The following TOLLIP variants were observed in gnomAD, a reference collection of about 807,000 sequenced individuals.
TOLLIP encodes the protein toll-interacting protein.
In TOLLIP, 16 loss-of-function variants were observed where a neutral mutation model predicts 33.5. That is an observed-to-expected ratio of 0.48 (90% confidence interval 0.32 to 0.72). The LOEUF is 0.72. Among genes scored for constraint, TOLLIP ranks in the 30% least tolerant of loss-of-function variants. The pLI, the probability that TOLLIP is intolerant of heterozygous loss-of-function variation, is 0.03. For missense variants in TOLLIP, 325 were observed against 396.6 expected (o/e 0.82, Z 1.53); for synonymous variants, 176 against 163.7 (o/e 1.07, Z -0.57).
intron 3 of TOLLIP, among the ~76,000 whole-genome samples, chr11:1,289,588 G>A (rs5743960): frequency 0.022 from 3,279 of 152,290 alleles, 124 homozygotes; most frequent in African/African-American, 0.074. Flanking sequence ...GCTGGTGAGC[G>A]GCCGGACCCT....
chr11:1,287,973 G>GA (rs200928462), intron 4 of TOLLIP, among the ~76,000 whole-genome samples: 3,327 of 151,930 alleles, frequency 0.022, 46 homozygotes, highest in Non-Finnish European at 0.031. Context: ...GTAACAGCCT[G>GA]AAAATCCTCT....
intron 5 of TOLLIP, among the ~76,000 whole-genome samples, chr11:1,282,067 TA>T (rs1008434768): frequency 6.6e-6 from 1 of 152,236 alleles, no homozygotes; most frequent in Non-Finnish European, 1.5e-5. Context: ...ACTGCTAGGA[TA>T]ATTAAAAAAT....
rs1322115625 is a variant in TOLLIP at position 1,295,639 on chromosome 11, G to A, written c.183+6C>T. 1 of 1,543,128 alleles carries A rather than the reference G, an allele frequency of 6.5e-7. No individual in the cohort carries two copies. Among genetic ancestry groups the A allele is most frequent in the South Asian group, 1.2e-5 (1 of 84,196 alleles). On this transcript the variant is annotated splice_donor_region_variant and intron_variant, in intron 2 of 5. Transcript: ENST00000317204. ...CAGGCAGGCAGGAGGGTGCCCCAAG[G>A]CCCACCTGTACCACCGTGATGTTCA...
At position 1,288,759 on chromosome 11, in the gene TOLLIP, G is replaced by A. The variant is rs151101451; in HGVS notation, c.384C>T (p.Asp128=). 4.8e-5 allele frequency: 78 copies of A among 1,612,334 alleles called. 1 individual carries two copies. The highest frequency in any genetic ancestry group is 3.3e-4 in the Middle Eastern group (2 of 6,078). Residue 128 remains aspartate, a synonymous_variant, in exon 4 of 6, where the codon GAC becomes GAT. Coordinates refer to ENST00000317204, the MANE Select transcript of TOLLIP (RefSeq NM_019009.4). ...TGATGTGGGTCCAGGCAATGCGGTCGTCCATGGAGAAGGCTCTCTGCGGGA... is the reference window on the plus strand; with the variant it reads ...TGATGTGGGTCCAGGCAATGCGGTCATCCATGGAGAAGGCTCTCTGCGGGA... The part of the protein sequence containing the change: ...EIFDERAFSM[D]DRIAWTHITI...
chr11:1,282,352 G>C (rs1254825461), intron 5 of TOLLIP, among the ~76,000 whole-genome samples: 4 of 152,206 alleles, frequency 2.6e-5, no homozygotes, highest in Non-Finnish European at 5.9e-5. Context: ...AAATTGTTTA[G>C]GAGAAATACC....
In TOLLIP at chr11:1,289,396, G is replaced by A. The variant is rs1187870281; in HGVS notation, c.367-620C>T. On this transcript the variant is annotated intron_variant, in intron 3 of 5. Coordinates refer to ENST00000317204, the MANE Select transcript of TOLLIP (RefSeq NM_019009.4). ...AGCCTCACAATGCCACAGGTGCGAG[G>A]TGCCAGGACCACACTGAGCAGCAGC... 2.6e-5 allele frequency among the ~76,000 whole-genome samples: 4 copies of A among 152,194 alleles called. No homozygotes were observed. In the South Asian group the frequency reaches 6.2e-4, roughly 24 times the overall value.
Position 1,288,789 on chromosome 11 carries a change from A to C in TOLLIP, c.367-13T>G. 1 of 1,609,120 alleles carries C rather than the reference A, an allele frequency of 6.2e-7. No homozygotes were observed. Among genetic ancestry groups the C allele is most frequent in the Non-Finnish European group, 8.5e-7 (1 of 1,177,728 alleles). On this transcript the variant is annotated splice_polypyrimidine_tract_variant and intron_variant, in intron 3 of 5. Coordinates refer to ENST00000317204, the MANE Select transcript of TOLLIP (RefSeq NM_019009.4). ...TGGAGAAGGCTCTCTGCGGGAGACAAGAGGGAGAGGCCCCAGGCATCAGGG... is the reference window on the plus strand; with the variant it reads ...TGGAGAAGGCTCTCTGCGGGAGACACGAGGGAGAGGCCCCAGGCATCAGGG...
intron 2 of TOLLIP, chr11:1,295,249 G>C (rs889586540): frequency 1.8e-5 from 3 of 170,586 alleles, no homozygotes; most frequent in Non-Finnish European, 3.7e-5. Flanking sequence ...TGTGGGGAGG[G>C]AGGGTGCAGG....
At chr11:1,283,399 G>T in intron 5 of TOLLIP, 2 of 371,376 alleles carry the variant, frequency 5.4e-6, no homozygotes, top group Non-Finnish European at 1.1e-5. Context: ...CAGCCCCAAC[G>T]CGTCAGTGTC....
chr11:1,282,897 T>A (rs1048540452), intron 5 of TOLLIP, among the ~76,000 whole-genome samples: 1 of 151,794 alleles, frequency 6.6e-6, no homozygotes, highest in Admixed American at 6.6e-5. Flanking sequence ...GTAACAAACC[T>A]GCACGTTGTG....
chr11:1,297,768 C>T (rs928284865), intron 1 of TOLLIP, among the ~76,000 whole-genome samples: 1 of 152,230 alleles, frequency 6.6e-6, no homozygotes, highest in African/African-American at 2.4e-5. Flanking sequence ...GCGGAGTGGG[C>T]CCATGCCAGG....
In TOLLIP at chr11:1,276,680, T is replaced by C. The variant is rs1023085880; in HGVS notation, c.*359A>G. On this transcript the variant is annotated 3_prime_UTR_variant, in exon 6 of 6. Coordinates refer to ENST00000317204, the MANE Select transcript of TOLLIP (RefSeq NM_019009.4). ...AATTACATCACATCACAAAATGCCATGAATGGAATCGGAAGGCGCTCCACC... is the reference window on the plus strand; with the variant it reads ...AATTACATCACATCACAAAATGCCACGAATGGAATCGGAAGGCGCTCCACC... The C allele has an allele frequency of 5.1e-6, 7 of 1,370,830 alleles. No homozygotes were observed. The African/African-American group carries it at 1.0e-4, about 20-fold the overall frequency. The allele number at this position is 1,370,830 out of a possible 1,614,324, so 84.9% of individuals were successfully genotyped here. A position where few individuals can be genotyped will look rare whatever the true frequency, so the allele number is the denominator to read the frequency against.
chr11:1,281,489 G>C (rs1456278115), intron 5 of TOLLIP, among the ~76,000 whole-genome samples: 3 of 152,172 alleles, frequency 2.0e-5, no homozygotes, highest in Admixed American at 2.0e-4. Flanking sequence ...GGAGGCTCTC[G>C]GGGCCTGAGC....
At chr11:1,301,777 T>C (rs1419705442) in intron 1 of TOLLIP, among the ~76,000 whole-genome samples, 1 of 152,170 alleles carries the variant, frequency 6.6e-6, no homozygotes, top group Non-Finnish European at 1.5e-5. Flanking sequence ...CTTTCAGAGC[T>C]GGGACCCACA....
intron 2 of TOLLIP, among the ~76,000 whole-genome samples, chr11:1,293,366 G>A (rs1179853638): frequency 6.6e-6 from 1 of 152,230 alleles, no homozygotes; most frequent in Non-Finnish European, 1.5e-5. Context: ...GCACATGGGT[G>A]TTTAGACCCA....
In TOLLIP at chr11:1,290,435, A is replaced by T; in HGVS notation, c.184-26T>A. ...CTGGAATGAAGCCAATGTCAGGAAAAGGAGGTGCCAACCATCAGGAGAGGG... is the reference window on the plus strand; with the variant it reads ...CTGGAATGAAGCCAATGTCAGGAAATGGAGGTGCCAACCATCAGGAGAGGG... On this transcript the variant is annotated intron_variant, in intron 2 of 5. Transcript: ENST00000317204. The surrounding 1 kb of genome is among the most constrained non-coding windows in gnomAD (Gnocchi z 4.9). The T allele has an allele frequency of 6.2e-7, 1 of 1,606,736 alleles. No individual in the cohort carries two copies. Among genetic ancestry groups the T allele is most frequent in the South Asian group, 1.1e-5 (1 of 90,914 alleles).
rs1864335541 is a variant in TOLLIP at position 1,303,330 on chromosome 11, G to C, written c.33+6136C>G. Among the ~76,000 whole-genome samples, 1 of 152,062 alleles carries C rather than the reference G, an allele frequency of 6.6e-6. No individual in the cohort carries two copies. Among genetic ancestry groups the C allele is most frequent in the African/African-American group, 2.4e-5 (1 of 41,414 alleles). On this transcript the variant is annotated intron_variant, in intron 1 of 5. Coordinates refer to ENST00000317204, the MANE Select transcript of TOLLIP (RefSeq NM_019009.4). The surrounding 1 kb of genome is among the most constrained non-coding windows in gnomAD (Gnocchi z 4.2). ...TCAAGCAGCAGGCCAAGGGCGGACA[G>C]AGATCCAGAGAGGGACGGCATGTGA... is the stretch of plus-strand genomic sequence containing the variant.
intron 4 of TOLLIP, among the ~76,000 whole-genome samples, chr11:1,287,422 A>G (rs1257485454): frequency 3.6e-4 from 32 of 88,530 alleles, no homozygotes; most frequent in African/African-American, 1.1e-3. Flanking sequence ...TCCCCGCCGC[A>G]CCCTCCCCGC....
rs188665751 is a variant in TOLLIP at position 1,296,388 on chromosome 11, C to A, written c.34-594G>T. ...CTCCTCGACCCTCTGTCCACCACTG[C>A]CACTTCTGAGGGGAAGAGAGAGGAT... On this transcript the variant is annotated intron_variant, in intron 1 of 5. Transcript: ENST00000317204. Among the ~76,000 whole-genome samples, 18 of 152,374 alleles carry A rather than the reference C, an allele frequency of 1.2e-4. 1 individual carries two copies. The East Asian group carries it at 1.5e-3, about 13-fold the overall frequency.
Sources: gnomAD v4.1 joint callset for allele counts (sites outside exome capture counted in the v4.1 genomes callset) on GRCh38, gnomAD v4.1.1 for gene constraint, Gnocchi (gnomAD v3.1) non-coding constraint, MANE v1.5 for transcripts, NCBI Gene and HGNC (gene_info 2026-07-23, HGNC 2026-07-21) for gene names.